The following SCHIP1 variants were observed in gnomAD, a reference collection of about 807,000 sequenced individuals.
SCHIP1 encodes schwannomin-interacting protein 1.
In SCHIP1, 8 loss-of-function variants were observed where a neutral mutation model predicts 29.7. That is an observed-to-expected ratio of 0.27 (90% CI 0.16 to 0.49). The LOEUF is 0.49. SCHIP1 is among the 20% of genes least tolerant of loss of function. The pLI, the probability that SCHIP1 is intolerant of heterozygous loss-of-function variation, is 0.99. For synonymous variants in SCHIP1, 76 were observed against 94.9 expected (o/e 0.80, Z 1.16); for missense variants, 193 against 294.6 (o/e 0.66, Z 2.52).
At chr3:159,555,972 C>T in the SCHIP1 span, among the ~76,000 whole-genome samples, 1 of 152,054 alleles carries the variant, frequency 6.6e-6, no homozygotes, top group African/African-American at 2.4e-5. Context: ...ATGTAGATGA[C>T]AGGTTGATGG....
intron 2 of SCHIP1, among the ~76,000 whole-genome samples, chr3:159,875,366 ATTTTT>A (rs199599141): frequency 4.0e-5 from 6 of 151,760 alleles, no homozygotes; most frequent in African/African-American, 1.5e-4. Context: ...TGTCTTATGA[ATTTTT>A]TTTTATCACC....
At chr3:159,443,653 C>A in the SCHIP1 span, among the ~76,000 whole-genome samples, 1 of 152,102 alleles carries the variant, frequency 6.6e-6, no homozygotes, top group Non-Finnish European at 1.5e-5. Flanking sequence ...GGACTACAGG[C>A]ACACACCACC....
chr3:159,683,242 G>A, the SCHIP1 span, among the ~76,000 whole-genome samples: 1 of 151,832 alleles, frequency 6.6e-6, no homozygotes, highest in African/African-American at 2.4e-5. Flanking sequence ...AGTAGAGATG[G>A]GGTTTCACCA....
At chr3:159,548,846 G>A in the SCHIP1 span, among the ~76,000 whole-genome samples, 1 of 151,946 alleles carries the variant, frequency 6.6e-6, no homozygotes, top group Non-Finnish European at 1.5e-5. Flanking sequence ...GAAATTAGAT[G>A]CTGCTAATTT....
chr3:159,564,322 C>T, the SCHIP1 span, among the ~76,000 whole-genome samples: 1 of 152,094 alleles, frequency 6.6e-6, no homozygotes, highest in Non-Finnish European at 1.5e-5. Context: ...CAGCAGCTCT[C>T]CCCATGCTCC....
chr3:159,613,556 C>A, the SCHIP1 span, among the ~76,000 whole-genome samples: 1 of 152,130 alleles, frequency 6.6e-6, no homozygotes, highest in African/African-American at 2.4e-5. Flanking sequence ...ATTACAATTT[C>A]CTGTTAAGGT....
At chr3:159,301,969 T>C in the SCHIP1 span, among the ~76,000 whole-genome samples, 3 of 152,368 alleles carry the variant, frequency 2.0e-5, no homozygotes, top group Admixed American at 1.3e-4. Context: ...CATTTTCTCA[T>C]GATTCTTCTT....
chr3:159,723,861 G>A, the SCHIP1 span, among the ~76,000 whole-genome samples: 1 of 152,188 alleles, frequency 6.6e-6, no homozygotes, highest in Non-Finnish European at 1.5e-5. Context: ...ACAACCAAAA[G>A]AACCTTGACC....
upstream of SCHIP1, among the ~76,000 whole-genome samples, chr3:159,837,215 A>C (rs1743745634): frequency 6.6e-6 from 1 of 152,142 alleles, no homozygotes; most frequent in Non-Finnish European, 1.5e-5. Context: ...GCAGCTTTTT[A>C]AGCTTTGCAC....
chr3:159,273,509 T>C, the SCHIP1 span: 1 of 1,125,468 alleles, frequency 8.9e-7, no homozygotes, highest in Non-Finnish European at 1.1e-6. Flanking sequence ...GTTCTCCGAG[T>C]AGCCTTGTCT....
chr3:159,547,469 T>G, the SCHIP1 span, among the ~76,000 whole-genome samples: 1 of 152,224 alleles, frequency 6.6e-6, no homozygotes, highest in Non-Finnish European at 1.5e-5. Context: ...TTTTGGTGTT[T>G]TAGTTATGAA....
the SCHIP1 span, among the ~76,000 whole-genome samples, chr3:159,574,043 G>A: frequency 2.0e-5 from 3 of 152,114 alleles, no homozygotes; most frequent in Non-Finnish European, 2.9e-5. Context: ...GCTGCCTTGC[G>A]ATGGGTTTGA....
the SCHIP1 span, among the ~76,000 whole-genome samples, chr3:159,691,798 G>T: frequency 6.6e-6 from 1 of 152,058 alleles, no homozygotes; most frequent in African/African-American, 2.4e-5. Context: ...AGGCCTGGTG[G>T]TGACAAAATC....
At chr3:159,379,820 A>G in the SCHIP1 span, among the ~76,000 whole-genome samples, 1 of 152,210 alleles carries the variant, frequency 6.6e-6, no homozygotes, top group African/African-American at 2.4e-5. Context: ...AACTCTGAGA[A>G]GAAATATGGA....
the SCHIP1 span, among the ~76,000 whole-genome samples, chr3:159,463,213 A>G: frequency 6.6e-6 from 1 of 152,098 alleles, no homozygotes; most frequent in Non-Finnish European, 1.5e-5. Context: ...AATATTGTCA[A>G]TTCAAACAGT....
chr3:159,427,599 C>G, the SCHIP1 span, among the ~76,000 whole-genome samples: 85 of 151,950 alleles, frequency 5.6e-4, no homozygotes, highest in African/African-American at 1.9e-3. Flanking sequence ...GAATCAATAT[C>G]GTGAAAATGG....
At chr3:159,711,221 C>A in the SCHIP1 span, among the ~76,000 whole-genome samples, 2 of 81,384 alleles carry the variant, frequency 2.5e-5, 1 homozygote, top group Non-Finnish European at 4.1e-5. Flanking sequence ...ATTAGCCGGG[C>A]GTAGTGGCGG....
the SCHIP1 span, among the ~76,000 whole-genome samples, chr3:159,412,714 A>T: frequency 0.14 from 21,123 of 152,142 alleles, 1,707 homozygotes; most frequent in African/African-American, 0.2. Flanking sequence ...CTTTATGTTA[A>T]CGAAAAAAGA....
the SCHIP1 span, among the ~76,000 whole-genome samples, chr3:159,540,450 C>T: frequency 6.6e-6 from 1 of 152,046 alleles, no homozygotes; most frequent in Non-Finnish European, 1.5e-5. Flanking sequence ...AACATATTTA[C>T]AGTATTTTTA....
Sources: gnomAD v4.1 joint callset for allele counts (sites outside exome capture counted in the v4.1 genomes callset) on GRCh38, gnomAD v4.1.1 for gene constraint, MANE v1.5 for transcripts, NCBI Gene and HGNC (gene_info 2026-07-23, HGNC 2026-07-21) for gene names.